The following PLTP variants were observed in gnomAD, a reference collection of about 807,000 sequenced individuals.
PLTP encodes the protein BPI fold containing family E.
A neutral mutation model predicts 54.1 loss-of-function variants in PLTP; 43 were observed. The ratio of observed to expected loss-of-function variants is 0.79; its 90% confidence interval spans 0.62 to 1.02. The LOEUF (loss-of-function observed/expected upper bound fraction) is 1.02, where lower values mean the gene tolerates loss of function less well. Among genes scored for constraint, PLTP ranks in the 50% least tolerant of loss-of-function variants. The pLI is 0.00. For missense variants in PLTP, 604 were observed against 645.9 expected (o/e 0.94, Z 0.70); for synonymous variants, 263 against 264.6 (o/e 0.99, Z 0.06).
At chr20:45,902,364 T>C in intron 11 of PLTP, 30 bp from the exon 12 acceptor site, 1 of 1,614,184 alleles carries the variant, frequency 6.2e-7, no homozygotes, top group Non-Finnish European at 8.5e-7. Flanking sequence ...AGGATGTTAC[T>C]GACCCAGAAG....
At position 45,899,647 on chromosome 20, in the gene PLTP, C is replaced by CTGCA; in HGVS notation, c.1253_1256dup (p.Gln419HisfsTer11). 1 of 1,614,212 alleles carries CTGCA rather than the reference C, an allele frequency of 6.2e-7. No homozygotes were observed. The highest frequency in any genetic ancestry group is 8.5e-7 in the Non-Finnish European group (1 of 1,180,040). Reference sequence around the variant, plus strand: ...CATTGAGCATGGGCATCACCCCAATCTGCAGCATGGTCTTCAGAGGGGCCT... The same window carrying CTGCA: ...CATTGAGCATGGGCATCACCCCAATCTGCATGCAGCATGGTCTTCAGAGGGGCCT... On this transcript the variant is annotated frameshift_variant, in exon 14 of 16. Transcript: ENST00000372431. LOFTEE classifies it high-confidence loss of function.
rs1332120227 is a variant in PLTP at position 45,909,522 on chromosome 20, G to C, written c.479C>G (p.Thr160Ser). ...GGTTGGGGCTGGGGCTTACTTGAAG[G>C]TTCCCCCGAAGGCCGCGTGCATTCT... ...VSRMHAAFGGTFKKVYDFLST... is the reference protein window; with the variant it reads ...VSRMHAAFGGSFKKVYDFLST... The change falls in exon 5 of 16, where the codon ACC becomes AGC. Residue 160 changes from threonine to serine, a missense_variant. Physicochemically the swap from Thr to Ser is moderately conservative, Grantham distance 58. Transcript: ENST00000372431. The C allele has an allele frequency of 1.2e-6, 2 of 1,614,144 alleles. No individual in the cohort carries two copies. Among genetic ancestry groups the C allele is most frequent in the Non-Finnish European group, 1.7e-6 (2 of 1,180,028 alleles).
intron 8 of PLTP, 88 bp from the exon 9 acceptor site, chr20:45,905,206 A>C (rs2083228731): frequency 8.5e-7 from 1 of 1,181,940 alleles, no homozygotes. Context: ...CGTGCTAGGC[A>C]CTGTGGGGGG....
chr20:45,911,714 C>T, intron 1 of PLTP: 1 of 571,128 alleles, frequency 1.8e-6, no homozygotes, highest in Non-Finnish European at 3.1e-6. Context: ...CTCGTGCTAC[C>T]GCCGCGTGAT....
At chr20:45,905,570 C>T (rs2083231800) in intron 8 of PLTP, among the ~76,000 whole-genome samples, 1 of 152,352 alleles carries the variant, frequency 6.6e-6, no homozygotes, top group Non-Finnish European at 1.5e-5. Flanking sequence ...GGCCGTGCAG[C>T]TAGTCAGTGG....
intron 5 of PLTP, among the ~76,000 whole-genome samples, chr20:45,908,696 G>A (rs900951719): frequency 3.3e-5 from 5 of 152,006 alleles, no homozygotes; most frequent in Non-Finnish European, 7.4e-5. Context: ...CAGCTACTTG[G>A]GAGGCTGAGG....
chr20:45,906,116 A>G, intron 8 of PLTP, 152 bp downstream of exon 8: 1 of 709,026 alleles, frequency 1.4e-6, no homozygotes, highest in Non-Finnish European at 2.6e-6. Flanking sequence ...AGGAGGCTGA[A>G]CCTAATTCTG....
At chr20:45,900,776 G>T (rs142519846) in intron 12 of PLTP, among the ~76,000 whole-genome samples, 1 of 152,108 alleles carries the variant, frequency 6.6e-6, no homozygotes, top group South Asian at 2.1e-4. Flanking sequence ...CGATCTACCC[G>T]CCTTGGTCTC....
At chr20:45,908,401 T>C (rs1043469470) in intron 5 of PLTP, among the ~76,000 whole-genome samples, 2 of 152,180 alleles carry the variant, frequency 1.3e-5, no homozygotes, top group Non-Finnish European at 2.9e-5. Context: ...CTTTGTTTGA[T>C]GAATAAATAA....
At chr20:45,904,692 AG>A in intron 10 of PLTP, 107 bp downstream of exon 10, 1 of 1,003,982 alleles carries the variant, frequency 1.0e-6, no homozygotes, top group Non-Finnish European at 1.6e-6. Context: ...GCCACAGACA[AG>A]AGGCCAGGGC....
At position 45,911,006 on chromosome 20, in the gene PLTP, C is replaced by T. The variant is rs2083284906; in HGVS notation, c.200+146G>A. 2.6e-6 allele frequency: 4 copies of T among 1,567,058 alleles called. No individual in the cohort carries two copies. The South Asian group carries it at 3.5e-5, about 14-fold the overall frequency. ...GGCTTGGCCTTTATCTTTTCGGCCC[C>T]ATCCGGTTTCTTAAGTCTTGCCTCA... On this transcript the variant is annotated intron_variant, in intron 3 of 15. Coordinates refer to ENST00000372431, the MANE Select transcript of PLTP (RefSeq NM_006227.4).
chr20:45,899,413 TAGAG>T (rs752872958), intron 15 of PLTP, 45 bp downstream of exon 15: 6 of 1,582,844 alleles, frequency 3.8e-6, no homozygotes, highest in Admixed American at 3.3e-5. Flanking sequence ...TGGGGAGCTA[TAGAG>T]AGAGGGGAAG....
At chr20:45,910,230 T>A (rs1356625486) in intron 3 of PLTP, among the ~76,000 whole-genome samples, 160 bp from the exon 4 acceptor site, 1 of 152,146 alleles carries the variant, frequency 6.6e-6, no homozygotes, top group East Asian at 1.9e-4. Flanking sequence ...TAGACTTGGG[T>A]GGCTCAAAGT....
intron 5 of PLTP, among the ~76,000 whole-genome samples, chr20:45,908,401 T>G (rs1043469470): frequency 2.0e-5 from 3 of 152,180 alleles, no homozygotes; most frequent in Non-Finnish European, 4.4e-5. Context: ...CTTTGTTTGA[T>G]GAATAAATAA....
intron 8 of PLTP, 86 bp from the exon 9 acceptor site, chr20:45,905,204 G>T: frequency 8.3e-7 from 1 of 1,198,564 alleles, no homozygotes; most frequent in Non-Finnish European, 1.2e-6. Context: ...CCCGTGCTAG[G>T]CACTGTGGGG....
At chr20:45,901,333 C>T (rs1283622900) in intron 12 of PLTP, among the ~76,000 whole-genome samples, 3 of 152,202 alleles carry the variant, frequency 2.0e-5, no homozygotes, top group South Asian at 2.1e-4. Flanking sequence ...TGCGGTGGCT[C>T]ACGCCTGTAA....
chr20:45,899,538 T>G lies in PLTP; in HGVS notation c.1283A>C (p.Glu428Ala), dbSNP rs1300743698. Residue 428 changes from glutamate to alanine, a missense_variant and splice_region_variant, in exon 15 of 16, where the codon GAG becomes GCG. Physicochemically the swap from Glu to Ala is moderately radical, Grantham distance 107. Transcript: ENST00000372431. The stretch of plus-strand genomic sequence containing the variant: ...GATCTGCACCCCACGCCAGGTCCGC[T>G]CTGTGGGTGGGAGCACCCCGCTCAG... ...LQIGVMPMLN[E>A]RTWRGVQIPL... 1.2e-6 allele frequency: 2 copies of G among 1,614,132 alleles called. No homozygotes were observed. The highest frequency in any genetic ancestry group is 3.3e-5 in the Admixed American group (2 of 60,014).
Position 45,911,458 on chromosome 20 carries a change from G to C in PLTP, c.-6C>G. ...AGGGCCCCGAAGAGGGCCATGGCGA[G>C]CGGGCCTGGGGGTGGGGTGGGGTCG... On this transcript the variant is annotated 5_prime_UTR_variant, in exon 2 of 16. Transcript: ENST00000372431. 2 of 1,602,702 alleles carry C rather than the reference G, an allele frequency of 1.2e-6. No homozygotes were observed. Among genetic ancestry groups the C allele is most frequent in the Non-Finnish European group, 1.7e-6 (2 of 1,179,922 alleles).
In PLTP at chr20:45,909,952, A is replaced by G. The variant is rs759711803; in HGVS notation, c.319T>C (p.Tyr107His). 2.5e-6 allele frequency: 4 copies of G among 1,614,118 alleles called. No homozygotes were observed. Among genetic ancestry groups the G allele is most frequent in the Non-Finnish European group, 3.4e-6 (4 of 1,180,004 alleles). Residue 107 changes from tyrosine (Y) to histidine (H), a missense_variant, in exon 4 of 16, where the codon TAC becomes CAC. Tyr to His is a moderately conservative substitution (Grantham distance 83). Transcript: ENST00000372431. Reference sequence around the variant, plus strand: ...GTGCTGGGTCCTTACAAGAACCAGTAGAGCAGCTGTCTCCGGAAGCGCAGC... The same window carrying G: ...GTGCTGGGTCCTTACAAGAACCAGTGGAGCAGCTGTCTCCGGAAGCGCAGC... The part of the protein sequence containing the change: ...LGLRFRRQLL[Y>H]WFFYDGGYIN...
Sources: gnomAD v4.1 joint callset for allele counts (sites outside exome capture counted in the v4.1 genomes callset) on GRCh38, gnomAD v4.1.1 for gene constraint, MANE v1.5 for transcripts, NCBI Gene and HGNC (gene_info 2026-07-23, HGNC 2026-07-21) for gene names.